The following LRRTM4 variants were observed in gnomAD, a reference collection of about 807,000 sequenced individuals.
The protein encoded by LRRTM4 is leucine rich repeat transmembrane neuronal 4.
A neutral mutation model predicts 47.6 loss-of-function variants in LRRTM4; 25 were observed. The observed-to-expected ratio is 0.53, with a 90% confidence interval of 0.38 to 0.73. LRRTM4 has a LOEUF of 0.73. LRRTM4 is among the 30% of genes least tolerant of loss of function. The pLI, the probability that LRRTM4 is intolerant of heterozygous loss-of-function variation, is 0.00. For synonymous variants in LRRTM4, 311 were observed against 269.5 expected (o/e 1.15, Z -1.51); for missense variants, 638 against 713.4 (o/e 0.89, Z 1.20).
intron 3 of LRRTM4, among the ~76,000 whole-genome samples, chr2:77,193,646 C>CA (rs1015313312): frequency 4.0e-5 from 6 of 151,776 alleles, no homozygotes; most frequent in African/African-American, 1.5e-4. Flanking sequence ...CCCGTCTCTA[C>CA]AAAAAATACA....
chr2:77,443,694 A>G (rs767444413), intron 3 of LRRTM4, among the ~76,000 whole-genome samples: 6 of 152,162 alleles, frequency 3.9e-5, no homozygotes, highest in Non-Finnish European at 5.9e-5. Flanking sequence ...GAAGAAAAAC[A>G]GGTAATATGA....
At chr2:77,375,353 G>T (rs1672793942) in intron 3 of LRRTM4, among the ~76,000 whole-genome samples, 1 of 151,620 alleles carries the variant, frequency 6.6e-6, no homozygotes, top group East Asian at 1.9e-4. Flanking sequence ...CCATACCCGT[G>T]TAACTATTAC....
intron 3 of LRRTM4, among the ~76,000 whole-genome samples, chr2:76,822,884 C>T (rs1321703326): frequency 1.3e-5 from 2 of 151,286 alleles, no homozygotes; most frequent in African/African-American, 4.8e-5. Flanking sequence ...AACTCTTTCT[C>T]CAGTCAAGAC....
intron 3 of LRRTM4, among the ~76,000 whole-genome samples, chr2:77,487,142 A>G (rs1191807371): frequency 1.3e-5 from 2 of 152,198 alleles, no homozygotes; most frequent in East Asian, 3.9e-4. Flanking sequence ...TGCAGGATCC[A>G]CAGAGCCAAT....
At chr2:77,405,287 G>T (rs966903255) in intron 3 of LRRTM4, among the ~76,000 whole-genome samples, 4 of 152,058 alleles carry the variant, frequency 2.6e-5, no homozygotes, top group African/African-American at 9.7e-5. Flanking sequence ...AAGCCCAGCA[G>T]TAGTGTTACT....
At chr2:77,238,733 C>A (rs1675178664) in intron 3 of LRRTM4, among the ~76,000 whole-genome samples, 2 of 151,748 alleles carry the variant, frequency 1.3e-5, no homozygotes. Flanking sequence ...GACAGAAGAG[C>A]AAATGTAAGA....
intron 3 of LRRTM4, among the ~76,000 whole-genome samples, chr2:77,480,822 G>GTGTGTGTGTGT (rs1222517611): frequency 4.0e-5 from 3 of 74,514 alleles, no homozygotes; most frequent in African/African-American, 1.2e-4. Flanking sequence ...GTGTGTGTGT[G>GTGTGTGTGTGT]GAGAGAGAGA....
intron 3 of LRRTM4, among the ~76,000 whole-genome samples, chr2:76,799,677 T>A (rs1380877933): frequency 7.6e-6 from 1 of 131,198 alleles, no homozygotes; most frequent in Non-Finnish European, 1.6e-5. Context: ...TGTTTGCGGA[T>A]GACATGATTG....
At chr2:77,195,309 T>A (rs1673779233) in intron 3 of LRRTM4, among the ~76,000 whole-genome samples, 2 of 151,936 alleles carry the variant, frequency 1.3e-5, no homozygotes, top group Admixed American at 1.3e-4. Context: ...ACATTATAAA[T>A]ATTTATAGAT....
chr2:77,059,933 A>T (rs765901821), intron 3 of LRRTM4, among the ~76,000 whole-genome samples: 2 of 152,222 alleles, frequency 1.3e-5, no homozygotes, highest in Admixed American at 6.5e-5. Flanking sequence ...CTTAAGAATT[A>T]AGAATCAAAA....
chr2:77,110,898 C>A (rs777328310), intron 3 of LRRTM4, among the ~76,000 whole-genome samples: 3 of 152,086 alleles, frequency 2.0e-5, no homozygotes, highest in Admixed American at 6.6e-5. Flanking sequence ...GCCTTCTGTA[C>A]TTGGCAATAT....
At chr2:77,180,549 T>C (rs546286702) in intron 3 of LRRTM4, among the ~76,000 whole-genome samples, 4 of 152,292 alleles carry the variant, frequency 2.6e-5, no homozygotes, top group South Asian at 2.1e-4. Flanking sequence ...CATAGACCTG[T>C]TGAGAAATTC....
chr2:77,338,689 G>A (rs1039057340), intron 3 of LRRTM4, among the ~76,000 whole-genome samples: 2 of 152,016 alleles, frequency 1.3e-5, no homozygotes, highest in African/African-American at 2.4e-5. Flanking sequence ...AAAGCAGTTT[G>A]GTGATTTCTC....
chr2:77,090,213 A>C, intron 3 of LRRTM4, among the ~76,000 whole-genome samples: 1 of 152,112 alleles, frequency 6.6e-6, no homozygotes, highest in East Asian at 1.9e-4. Flanking sequence ...TTTACTCTTA[A>C]AAAGGTGGCT....
At chr2:77,091,213 A>G (rs1421640665) in intron 3 of LRRTM4, among the ~76,000 whole-genome samples, 1 of 151,152 alleles carries the variant, frequency 6.6e-6, no homozygotes, top group African/African-American at 2.4e-5. Context: ...CCTTCTTCCC[A>G]ATCAAGAGCC....
intron 3 of LRRTM4, among the ~76,000 whole-genome samples, chr2:76,856,651 T>C (rs1573218033): frequency 6.6e-6 from 1 of 152,156 alleles, no homozygotes. Context: ...TAAAATAAAT[T>C]ACTGCTTATT....
chr2:77,155,190 G>C (rs1028463225), intron 3 of LRRTM4, among the ~76,000 whole-genome samples: 5 of 151,828 alleles, frequency 3.3e-5, no homozygotes, highest in Non-Finnish European at 1.5e-5. Flanking sequence ...TAAAAAGCCT[G>C]CATATAAATA....
intron 3 of LRRTM4, among the ~76,000 whole-genome samples, chr2:77,489,521 G>A (rs1445670490): frequency 1.3e-5 from 2 of 152,164 alleles, no homozygotes; most frequent in South Asian, 2.1e-4. Context: ...TTTCCTTTAG[G>A]AAACATATCA....
chr2:77,316,702 C>A (rs901858266), intron 3 of LRRTM4, among the ~76,000 whole-genome samples: 1 of 151,988 alleles, frequency 6.6e-6, no homozygotes, highest in Admixed American at 6.6e-5. Context: ...CACATGCCAC[C>A]ACACCTACAT....
Sources: allele counts gnomAD v4.1 joint callset (sites outside exome capture counted in the v4.1 genomes callset), GRCh38; gene constraint gnomAD v4.1.1; transcripts MANE v1.5; gene names NCBI Gene and HGNC (gene_info 2026-07-23, HGNC 2026-07-21).